Variants in ZNF335 observed in about 807,000 individuals in gnomAD.
ZNF335 encodes zinc finger protein 335.
In ZNF335, 84 loss-of-function variants were observed where a neutral mutation model predicts 145.6. The observed-to-expected ratio is 0.58, with a 90% CI of 0.48 to 0.69. The LOEUF (loss-of-function observed/expected upper bound fraction) is 0.69, where lower values mean the gene tolerates loss of function less well. ZNF335 is among the 30% of genes least tolerant of loss of function. The probability of loss-of-function intolerance (pLI) is 0.00; values close to 1 mark genes in which losing one functional copy is unlikely to be tolerated. For synonymous variants in ZNF335, 761 were observed against 717.0 expected, an observed-to-expected ratio of 1.06 and a Z score of -0.98; for missense variants, 1,865 against 1,809.7, an observed-to-expected ratio of 1.03 and a Z score of -0.55.
rs200332470 is a variant in ZNF335, at chr20:45,950,460, C to T, written c.3325G>A (p.Gly1109Arg). ...ACCAGTATCTGGCCTCACCGCTGCCCGCAGAGGTGGCATGCAAAAGGCTTC... is the reference window on the plus strand; with the variant it reads ...ACCAGTATCTGGCCTCACCGCTGCCTGCAGAGGTGGCATGCAAAAGGCTTC... ...KEKPFACHLC[G>R]QRFNRNGHLK... is the part of the protein sequence containing the mutation. Residue 1109 changes from glycine to arginine, a missense_variant, in exon 21 of 28, where the codon GGG becomes AGG. Coordinates refer to ENST00000322927, the MANE Select transcript of ZNF335 (RefSeq NM_022095.4). 132 of 1,614,078 alleles carry T rather than the reference C, an allele frequency of 8.2e-5. No homozygotes were observed. The East Asian group carries it at 1.1e-3, about 13-fold the overall frequency.
At chr20:45,958,006 G>A in intron 15 of ZNF335, 78 bp from the exon 16 acceptor site, 2 of 1,172,396 alleles carry the variant, frequency 1.7e-6, no homozygotes, top group East Asian at 4.7e-5. Flanking sequence ...CCTCTGATCT[G>A]CCAGATGTTT....
intron 17 of ZNF335, 31 bp from the exon 18 acceptor site, chr20:45,953,979 G>T (rs757675842): frequency 3.9e-6 from 6 of 1,547,246 alleles, no homozygotes; most frequent in East Asian, 2.4e-5. Flanking sequence ...GGGATGGGAG[G>T]CACTGGTGGC....
intron 20 of ZNF335, 98 bp downstream of exon 20, chr20:45,952,049 C>A: frequency 6.8e-7 from 1 of 1,464,228 alleles, no homozygotes; most frequent in African/African-American, 1.4e-5. Context: ...CAGAGGAGAG[C>A]AGAGGATCTG....
intron 10 of ZNF335, 33 bp from the exon 11 acceptor site, chr20:45,960,915 G>C: frequency 6.2e-7 from 1 of 1,612,152 alleles, no homozygotes; most frequent in South Asian, 1.1e-5. Flanking sequence ...TTAGACCAGA[G>C]CTTCCCCAAG....
In ZNF335 at chr20:45,953,923, A is replaced by G; in HGVS notation, c.2468T>C (p.Val823Ala). 6.2e-7 allele frequency: 1 copy of G among 1,604,382 alleles called. No individual in the cohort carries two copies. The highest frequency in any genetic ancestry group is 8.5e-7 in the Non-Finnish European group (1 of 1,175,174). ...ACCAGGGGATGCTAACCCTGCTTCC[A>G]CATCTTCCGACTTCACCACAGCCAC... ...LQVAVVKSED[V>A]EAGLASPGGQ... Residue 823 changes from valine (V) to alanine (A), a missense_variant, in exon 18 of 28, where the codon GTG becomes GCG. Coordinates refer to ENST00000322927, the MANE Select transcript of ZNF335 (RefSeq NM_022095.4).
intron 14 of ZNF335, 71 bp downstream of exon 14, chr20:45,960,137 A>G (rs1600534086): frequency 1.9e-6 from 3 of 1,554,458 alleles, no homozygotes; most frequent in Non-Finnish European, 2.6e-6. Flanking sequence ...AGAGGATGGG[A>G]GCTAAGCCTC....
chr20:45,961,987 TG>T, intron 10 of ZNF335, 82 bp downstream of exon 10: 1 of 1,202,280 alleles, frequency 8.3e-7, no homozygotes, highest in Non-Finnish European at 1.2e-6. Flanking sequence ...GCACGGTAAG[TG>T]GGAACCATGG....
At chr20:45,949,428 A>AG (rs1412629961) in intron 25 of ZNF335, 30 bp from the exon 26 acceptor site, 6 of 1,613,846 alleles carry the variant, frequency 3.7e-6, no homozygotes, top group Non-Finnish European at 5.1e-6. Flanking sequence ...CTGTGATCCT[A>AG]GGGAGAGGTC....
chr20:45,970,894 G>A (rs542102553), intron 2 of ZNF335, among the ~76,000 whole-genome samples: 27 of 151,906 alleles, frequency 1.8e-4, no homozygotes, highest in African/African-American at 6.5e-4. Context: ...TCCTGGCCTA[G>A]ACATCTGCCT....
intron 24 of ZNF335, 104 bp downstream of exon 24, chr20:45,949,696 G>A (rs1419381109): frequency 7.5e-6 from 11 of 1,469,264 alleles, no homozygotes; most frequent in Non-Finnish European, 1.0e-5. Flanking sequence ...GGCAAGCATG[G>A]ACCCCAGGAG....
At chr20:45,963,452 A>G (rs776365192) in intron 9 of ZNF335, 21 bp downstream of exon 9, 1 of 1,602,680 alleles carries the variant, frequency 6.2e-7, no homozygotes. Context: ...CATGAGCCCC[A>G]AGCCTCTTTG....
chr20:45,953,797 T>A lies in ZNF335; in HGVS notation c.2594A>T (p.Asp865Val). 6.2e-7 allele frequency: 1 copy of A among 1,614,072 alleles called. No homozygotes were observed. The highest frequency in any genetic ancestry group is 1.1e-5 in the South Asian group (1 of 91,088). ...AGGTGCCAGGGTGATCTGCGGTAGG[T>A]CAGGAGGGCCTAGCTGGCTCTCGGC... ...AAAESQLGPP[D>V]LPQITLAPGP... The change falls in exon 18 of 28, where the codon GAC (aspartate) becomes GTC (valine). Residue 865 changes from aspartate (D) to valine (V), a missense_variant. Transcript: ENST00000322927.
chr20:45,954,052 A>T, intron 17 of ZNF335, 104 bp from the exon 18 acceptor site: 1 of 1,349,654 alleles, frequency 7.4e-7, no homozygotes, highest in Non-Finnish European at 1.0e-6. Flanking sequence ...CACACACTCT[A>T]GTCAGACCAG....
At chr20:45,964,339 A>C in intron 7 of ZNF335, 2 of 213,736 alleles carry the variant, frequency 9.4e-6, no homozygotes, top group Non-Finnish European at 1.9e-5. Context: ...TGCCCCATTT[A>C]TCCAAGGGAG....
chr20:45,970,031 T>G (rs8123864), intron 2 of ZNF335: 1 of 206,270 alleles, frequency 4.8e-6, no homozygotes, highest in Non-Finnish European at 9.8e-6. Context: ...GGCTAAATCT[T>G]ACCCAGCCTT....
rs1297240433 is a variant in ZNF335, at chr20:45,952,221, G to A, written c.3115C>T (p.Arg1039Trp). Reference sequence around the variant, plus strand: ...AAGGCACCAGGCCCAGCGTGGGCCCGCTTGTGACTCTCCATCTCAGCTCGG... The same window carrying A: ...AAGGCACCAGGCCCAGCGTGGGCCCACTTGTGACTCTCCATCTCAGCTCGG... ...PGRAEMESHK[R>W]AHAGPGAFKC... is the part of the protein sequence containing the mutation. The change falls in exon 20 of 28, where the codon CGG becomes TGG. Residue 1039 changes from arginine to tryptophan, a missense_variant. Coordinates refer to ENST00000322927, the MANE Select transcript of ZNF335 (RefSeq NM_022095.4). The A allele has an allele frequency of 6.2e-6, 10 of 1,613,012 alleles. No homozygotes were observed. Among genetic ancestry groups the A allele is most frequent in the Admixed American group, 1.7e-5 (1 of 59,978 alleles).
rs1400807802 is a variant in ZNF335 at position 45,960,880 on chromosome 20, T to G, written c.1649A>C (p.Lys550Thr). The G allele has an allele frequency of 1.2e-6, 2 of 1,613,662 alleles. No individual in the cohort carries two copies. The highest frequency in any genetic ancestry group is 1.7e-6 in the Non-Finnish European group (2 of 1,179,898). Residue 550 changes from lysine (K) to threonine (T), a missense_variant and splice_region_variant, in exon 11 of 28, where the codon AAG becomes ACG. Transcript: ENST00000322927. ...RHAAVHSRDR[K>T]KRPDPTPKLS... Reference sequence around the variant, plus strand: ...CAGACTCACCGGATCTGGCCTCTTCTTCCTGTGGGGAAAAGGCCGAGGAAT... The same window carrying G: ...CAGACTCACCGGATCTGGCCTCTTCGTCCTGTGGGGAAAAGGCCGAGGAAT...
At chr20:45,951,919 G>C (rs2083640133) in intron 20 of ZNF335, among the ~76,000 whole-genome samples, 1 of 152,188 alleles carries the variant, frequency 6.6e-6, no homozygotes, top group Non-Finnish European at 1.5e-5. Flanking sequence ...TGCACCCTTG[G>C]TTCACACTCG....
At chr20:45,950,745 G>C (rs1272317913) in intron 20 of ZNF335, 150 bp from the exon 21 acceptor site, 2 of 980,154 alleles carry the variant, frequency 2.0e-6, no homozygotes, top group African/African-American at 3.2e-5. Flanking sequence ...TGGGTAGAAA[G>C]GCCAAGCCGG....
Sources: gnomAD v4.1 joint callset for allele counts (sites outside exome capture counted in the v4.1 genomes callset) on GRCh38, gnomAD v4.1.1 for gene constraint, MANE v1.5 for transcripts, NCBI Gene and HGNC (gene_info 2026-07-23, HGNC 2026-07-21) for gene names.